PRPF38A: variants seen among roughly 807,000 people sequenced by gnomAD.
PRPF38A encodes pre-mRNA processing factor 38A.
In PRPF38A, 11 loss-of-function variants were observed where a neutral mutation model predicts 46.8. The ratio of observed to expected loss-of-function variants is 0.24; its 90% CI spans 0.15 to 0.39. The LOEUF (loss-of-function observed/expected upper bound fraction) is 0.39, where lower values mean the gene tolerates loss of function less well. Ranked by LOEUF, PRPF38A falls within the 10% of genes least tolerant of loss-of-function variation. The probability of loss-of-function intolerance (pLI) is 1.00; values close to 1 mark genes in which losing one functional copy is unlikely to be tolerated. For synonymous variants in PRPF38A, 124 were observed against 136.2 expected (o/e 0.91, Z 0.62); for missense variants, 261 against 407.5 (o/e 0.64, Z 3.10).
chr1:52,412,651 G>T (rs1351248339), intron 5 of PRPF38A, 27 bp downstream of exon 5: 4 of 1,387,454 alleles, frequency 2.9e-6, no homozygotes, highest in African/African-American at 1.4e-5. Flanking sequence ...TTTTATGGTT[G>T]TAGGGGAGGG....
At chr1:52,408,795 A>T in intron 3 of PRPF38A, 105 bp downstream of exon 3, 2 of 1,351,420 alleles carry the variant, frequency 1.5e-6, no homozygotes, top group South Asian at 2.7e-5. Context: ...GCTCCTTTTC[A>T]TCTACATTGT....
Position 52,419,593 on chromosome 1 carries a change from A to G in PRPF38A, c.*2903A>G, listed in dbSNP as rs1024196293. On this transcript the variant is annotated 3_prime_UTR_variant, in exon 10 of 10. Transcript: ENST00000257181. ...AAGACAGCAGACATGATCTCTTTAA[A>G]AAAAAAAAGTTCAAAAGAGATTAAG... The G allele has an allele frequency of 6.6e-6, 1 of 152,132 alleles. No homozygotes were observed. Among genetic ancestry groups the G allele is most frequent in the Non-Finnish European group, 1.5e-5 (1 of 68,028 alleles). 9.4% of individuals were successfully genotyped at this position (152,132 alleles called of 1,614,324 possible).
In PRPF38A at chr1:52,418,597, A is replaced by G. The variant is rs1055247801; in HGVS notation, c.*1907A>G. 1 of 152,238 alleles carries G rather than the reference A, an allele frequency of 6.6e-6. No individual in the cohort carries two copies. The highest frequency in any genetic ancestry group is 2.4e-5 in the African/African-American group (1 of 41,456). 9.4% of individuals were successfully genotyped at this position (152,238 alleles called of 1,614,324 possible). A position where few individuals can be genotyped will look rare whatever the true frequency, so the allele number is the denominator to read the frequency against. On this transcript the variant is annotated 3_prime_UTR_variant, in exon 10 of 10. Coordinates refer to ENST00000257181, the MANE Select transcript of PRPF38A (RefSeq NM_032864.4). ...GGACCAAAATTGAGGTACCACAGCC[A>G]ATCAATAGCAGGAAAGAGAATGTCC...
rs1189514667 is a variant in PRPF38A, at chr1:52,404,714, AG to A, written c.-34del. 6.2e-7 allele frequency: 1 copy of A among 1,604,832 alleles called. No homozygotes were observed. The highest frequency in any genetic ancestry group is 2.2e-5 in the East Asian group (1 of 44,802). On this transcript the variant is annotated 5_prime_UTR_variant, in exon 1 of 10. Transcript: ENST00000257181. ...TCTGAACCTGGATGTGAGGCATTAAAGGATCCGACGGAAATAGAATTGAAGG... is the reference window on the plus strand; with the variant it reads ...TCTGAACCTGGATGTGAGGCATTAAAGATCCGACGGAAATAGAATTGAAGG...
chr1:52,411,564 G>A (rs1049831742), intron 4 of PRPF38A, among the ~76,000 whole-genome samples: 9 of 152,156 alleles, frequency 5.9e-5, no homozygotes, highest in Non-Finnish European at 1.3e-4. Context: ...CAAGGGTATT[G>A]TAGCTAGAGT....
In PRPF38A at chr1:52,411,122, A is replaced by G. The variant is rs753952774; in HGVS notation, c.420A>G (p.Glu140=). The change falls in exon 4 of 10, where the codon GAA becomes GAG. Residue 140 remains glutamate (E), a synonymous_variant. Coordinates refer to ENST00000257181, the MANE Select transcript of PRPF38A (RefSeq NM_032864.4). ...IKSQNRNGEF[E]LMHVDEFIDE... ...AATGACTTTTTCTTGCAGAGTTTGA[A>G]TTGATGCATGTTGATGAGTTTATTG... 7 of 1,612,772 alleles carry G rather than the reference A, an allele frequency of 4.3e-6. No individual in the cohort carries two copies. Among genetic ancestry groups the G allele is most frequent in the Admixed American group, 1.7e-5 (1 of 59,960 alleles).
rs1412860510 is a variant in PRPF38A, at chr1:52,406,236, C to A, written c.290+397C>A. Among the ~76,000 whole-genome samples, 5 of 149,230 alleles carry A rather than the reference C, an allele frequency of 3.4e-5. No homozygotes were observed. In the Admixed American group the frequency reaches 3.4e-4, roughly 10 times the overall value. On this transcript the variant is annotated intron_variant, in intron 2 of 9. Coordinates refer to ENST00000257181, the MANE Select transcript of PRPF38A (RefSeq NM_032864.4). ...ACTCCAGACTTCAGGTAATCCCCTC[C>A]CCCCCCGGGCCTCCCAGAGTGCTGG... is the stretch of plus-strand genomic sequence containing the variant.
rs1648306524 is a variant in PRPF38A at position 52,416,801 on chromosome 1, C to T, written c.*111C>T. The T allele has an allele frequency of 2.4e-6, 2 of 832,178 alleles. No homozygotes were observed. The highest frequency in any genetic ancestry group is 4.5e-5 in the Admixed American group (2 of 44,658). The allele number at this position is 832,178 out of a possible 1,614,324, so 51.5% of individuals were successfully genotyped here. A position where few individuals can be genotyped will look rare whatever the true frequency, so the allele number is the denominator to read the frequency against. On this transcript the variant is annotated 3_prime_UTR_variant, in exon 10 of 10. Coordinates refer to ENST00000257181, the MANE Select transcript of PRPF38A (RefSeq NM_032864.4). ...GCTATAAGAATATTTTAGTTTTTTT[C>T]TTATCAAGTTTCTCAACCTTTATTT...
At position 52,405,742 on chromosome 1, in the gene PRPF38A, A is replaced by G; in HGVS notation, c.193A>G (p.Ile65Val). The G allele has an allele frequency of 1.2e-6, 2 of 1,614,182 alleles. No individual in the cohort carries two copies. The highest frequency in any genetic ancestry group is 1.7e-6 in the Non-Finnish European group (2 of 1,180,038). ...RFVGGVYGGNIKPTPFLCLTL... is the reference protein window; with the variant it reads ...RFVGGVYGGNVKPTPFLCLTL... ...TGTGGGTGGCGTCTATGGTGGCAAC[A>G]TAAAACCAACACCCTTTCTGTGTTT... is the stretch of plus-strand genomic sequence containing the variant. Residue 65 changes from isoleucine to valine, a missense_variant, in exon 2 of 10, where the codon ATA (isoleucine) becomes GTA (valine). Physicochemically the swap from Ile to Val is conservative, Grantham distance 29. Around this residue, in one of 2 missense-constraint regions of PRPF38A, gnomAD observed 81 missense variants for 186.5 expected, o/e 0.43. Transcript: ENST00000257181.
chr1:52,409,934 G>A (rs1648100349), intron 3 of PRPF38A, among the ~76,000 whole-genome samples: 1 of 151,934 alleles, frequency 6.6e-6, no homozygotes, highest in African/African-American at 2.4e-5. Flanking sequence ...GGATGGGCAT[G>A]TGCAAAATTG....
At chr1:52,413,494 C>G (rs1187174364) in intron 5 of PRPF38A, among the ~76,000 whole-genome samples, 1 of 152,048 alleles carries the variant, frequency 6.6e-6, no homozygotes, top group Non-Finnish European at 1.5e-5. Flanking sequence ...CTCCCAGGCT[C>G]AAGCAGTCTT....
At chr1:52,412,960 A>G (rs978430193) in intron 5 of PRPF38A, among the ~76,000 whole-genome samples, 1 of 134,294 alleles carries the variant, frequency 7.4e-6, no homozygotes, top group Non-Finnish European at 1.6e-5. Context: ...CAAGATCGCA[A>G]CACTGCACTC....
At chr1:52,412,725 C>T (rs985711353) in intron 5 of PRPF38A, 101 bp downstream of exon 5, 18 of 741,800 alleles carry the variant, frequency 2.4e-5, no homozygotes, top group African/African-American at 1.9e-4. Context: ...ATTGGCCGGG[C>T]GTGGTCGCTC....
intron 3 of PRPF38A, among the ~76,000 whole-genome samples, chr1:52,410,079 A>G (rs1279231456): frequency 6.7e-6 from 1 of 148,988 alleles, no homozygotes; most frequent in Non-Finnish European, 1.5e-5. Context: ...ACATTTTATA[A>G]TTATATTTAC....
At chr1:52,408,756 A>T in intron 3 of PRPF38A, 66 bp downstream of exon 3, 1 of 1,568,146 alleles carries the variant, frequency 6.4e-7, no homozygotes, top group Admixed American at 1.7e-5. Flanking sequence ...CAGTACTTCT[A>T]CCTTTGCATT....
intron 2 of PRPF38A, 32 bp downstream of exon 2, chr1:52,405,871 G>A: frequency 1.9e-6 from 3 of 1,601,482 alleles, no homozygotes; most frequent in Non-Finnish European, 2.6e-6. Flanking sequence ...TAATATAAGA[G>A]GTTTAATTTT....
intron 3 of PRPF38A, among the ~76,000 whole-genome samples, chr1:52,410,709 C>T (rs1648125255): frequency 6.6e-6 from 1 of 152,070 alleles, no homozygotes; most frequent in Non-Finnish European, 1.5e-5. Context: ...GCCATGTTGG[C>T]CAGGCCTGTC....
At position 52,417,928 on chromosome 1, in the gene PRPF38A, C is replaced by G. The variant is rs1033861453; in HGVS notation, c.*1238C>G. Reference sequence around the variant, plus strand: ...AGGACTAAAAAGCCTCCACGGACATCGATAATCAAGAGATTATTAAGATCT... The same window carrying G: ...AGGACTAAAAAGCCTCCACGGACATGGATAATCAAGAGATTATTAAGATCT... On this transcript the variant is annotated 3_prime_UTR_variant, in exon 10 of 10. Transcript: ENST00000257181. The G allele has an allele frequency of 1.3e-5, 2 of 152,556 alleles. No individual in the cohort carries two copies. Among genetic ancestry groups the G allele is most frequent in the Non-Finnish European group, 2.9e-5 (2 of 68,042 alleles). 9.5% of individuals were successfully genotyped at this position (152,556 alleles called of 1,614,324 possible).
Position 52,404,618 on chromosome 1 carries a change from G to C in PRPF38A, c.-132G>C. 2 of 975,742 alleles carry C rather than the reference G, an allele frequency of 2.0e-6. No individual in the cohort carries two copies. Among genetic ancestry groups the C allele is most frequent in the Middle Eastern group, 3.4e-4 (1 of 2,970 alleles). The allele number at this position is 975,742 out of a possible 1,614,324, so 60.4% of individuals were successfully genotyped here. On this transcript the variant is annotated 5_prime_UTR_variant, in exon 1 of 10. Transcript: ENST00000257181. Reference sequence around the variant, plus strand: ...AAGCCCTTTACACTACGGTGTTTCCGGCTTCAAGATGGTCGCCTAAGCTGT... The same window carrying C: ...AAGCCCTTTACACTACGGTGTTTCCCGCTTCAAGATGGTCGCCTAAGCTGT...
Sources: gnomAD v4.1 joint callset for allele counts (sites outside exome capture counted in the v4.1 genomes callset) on GRCh38, gnomAD v4.1.1 for gene constraint, gnomAD v4.1.1 regional missense constraint, MANE v1.5 for transcripts, NCBI Gene and HGNC (gene_info 2026-07-23, HGNC 2026-07-21) for gene names.